PTPRD: variants seen among roughly 807,000 people sequenced by gnomAD.
PTPRD encodes receptor-type tyrosine-protein phosphatase delta.
PTPRD carries 34 observed loss-of-function variants against 214.5 expected under a neutral mutation model. The observed-to-expected ratio is 0.16, with a 90% confidence interval of 0.12 to 0.21. PTPRD has a LOEUF of 0.21. PTPRD is among the 10% of genes least tolerant of loss of function. The pLI is 1.00. For missense variants in PTPRD, 2,545 were observed against 2,398.7 expected (o/e 1.06, Z -1.27); for synonymous variants, 1,128 against 845.7 (o/e 1.33, Z -5.79).
At chr9:10,082,017 A>G (rs1369098194) in intron 3 of PTPRD, among the ~76,000 whole-genome samples, 1 of 152,098 alleles carries the variant, frequency 6.6e-6, no homozygotes, top group Non-Finnish European at 1.5e-5. Flanking sequence ...TGGACTGAAT[A>G]TAAGGGTTAT....
At chr9:9,348,244 C>T (rs1343098695) in intron 9 of PTPRD, among the ~76,000 whole-genome samples, 3 of 152,028 alleles carry the variant, frequency 2.0e-5, no homozygotes, top group Non-Finnish European at 4.4e-5. Flanking sequence ...TTTGGGTGAT[C>T]TCAATTTACT....
chr9:9,830,136 T>G (rs2054330511), intron 5 of PTPRD, among the ~76,000 whole-genome samples: 1 of 151,720 alleles, frequency 6.6e-6, no homozygotes, highest in South Asian at 2.1e-4. Context: ...ATATATCTTT[T>G]TACTTAAAAC....
In PTPRD at chr9:8,931,394, G is replaced by A. The variant is rs943316300; in HGVS notation, c.-104+87303C>T. 2.6e-5 allele frequency among the ~76,000 whole-genome samples: 4 copies of A among 152,146 alleles called. No homozygotes were observed. The South Asian group carries it at 6.2e-4, about 24-fold the overall frequency. ...GTAGTATAGTTTGAAGTCAGGTAGC[G>A]GGATGCCTCCAGCTTTGTTCTTTTG... On this transcript the variant is annotated intron_variant, in intron 11 of 45. Transcript: ENST00000381196.
At chr9:10,300,966 A>T (rs1219224865) in intron 3 of PTPRD, among the ~76,000 whole-genome samples, 1 of 152,072 alleles carries the variant, frequency 6.6e-6, no homozygotes, top group African/African-American at 2.4e-5. Context: ...ATGTATCCTG[A>T]CTGGAAGACA....
chr9:9,281,255 TG>T (rs566075480), intron 9 of PTPRD, among the ~76,000 whole-genome samples: 44 of 151,256 alleles, frequency 2.9e-4, no homozygotes, highest in African/African-American at 9.9e-4. Flanking sequence ...ATTGATAGTC[TG>T]GGCCTCACTG....
chr9:9,487,926 T>G (rs1275376340), intron 8 of PTPRD, among the ~76,000 whole-genome samples: 4 of 152,278 alleles, frequency 2.6e-5, no homozygotes, highest in Non-Finnish European at 5.9e-5. Flanking sequence ...AATTGAAAGA[T>G]AATGAGTTCT....
At chr9:10,538,975 G>A (rs529893037) in intron 2 of PTPRD, among the ~76,000 whole-genome samples, 2 of 152,072 alleles carry the variant, frequency 1.3e-5, no homozygotes, top group Non-Finnish European at 2.9e-5. Context: ...ACCAGCCTGT[G>A]CCTGGAGGAC....
At chr9:8,607,788 T>C (rs1304980515) in intron 14 of PTPRD, among the ~76,000 whole-genome samples, 1 of 152,222 alleles carries the variant, frequency 6.6e-6, no homozygotes, top group Non-Finnish European at 1.5e-5. Context: ...AGTCACTTAA[T>C]AAATAAACAC....
At chr9:10,501,476 G>T (rs569989564) in intron 2 of PTPRD, among the ~76,000 whole-genome samples, 1 of 151,820 alleles carries the variant, frequency 6.6e-6, no homozygotes, top group Admixed American at 6.6e-5. Flanking sequence ...GTCCTATTCT[G>T]TGGGCTGTGT....
intron 2 of PTPRD, among the ~76,000 whole-genome samples, chr9:10,556,427 G>T (rs144903512): frequency 8.6e-5 from 13 of 151,908 alleles, no homozygotes; most frequent in African/African-American, 2.7e-4. Context: ...ATCATTTTAG[G>T]TATATTTTAT....
chr9:8,931,796 GT>G (rs199759256), intron 11 of PTPRD, among the ~76,000 whole-genome samples: 2 of 151,292 alleles, frequency 1.3e-5, no homozygotes, highest in African/African-American at 2.4e-5. Flanking sequence ...TCTGGTCCTG[GT>G]TTTTTTTTGG....
intron 2 of PTPRD, among the ~76,000 whole-genome samples, chr9:10,440,930 A>G (rs2098753952): frequency 6.6e-6 from 1 of 151,772 alleles, no homozygotes; most frequent in South Asian, 2.1e-4. Context: ...CTGAATGTGA[A>G]TCCCTATGTT....
At chr9:9,738,809 A>G (rs1039292265) in intron 6 of PTPRD, among the ~76,000 whole-genome samples, 6 of 152,068 alleles carry the variant, frequency 3.9e-5, no homozygotes, top group Admixed American at 2.6e-4. Flanking sequence ...ATATTTTATT[A>G]GATATGTGAT....
intron 5 of PTPRD, among the ~76,000 whole-genome samples, chr9:9,931,401 T>C (rs1379428060): frequency 6.6e-6 from 1 of 152,130 alleles, no homozygotes; most frequent in Non-Finnish European, 1.5e-5. Context: ...GGGCGAGGCA[T>C]TGCCTCACTC....
At chr9:8,715,484 A>G (rs1216782577) in intron 12 of PTPRD, among the ~76,000 whole-genome samples, 1 of 152,200 alleles carries the variant, frequency 6.6e-6, no homozygotes, top group East Asian at 1.9e-4. Flanking sequence ...AAAAATATAT[A>G]TGCTCAGAGA....
intron 7 of PTPRD, among the ~76,000 whole-genome samples, chr9:9,728,632 T>G (rs2098133060): frequency 6.6e-6 from 1 of 152,148 alleles, no homozygotes; most frequent in Non-Finnish European, 1.5e-5. Context: ...TTGAACATAG[T>G]AAACTTTGGG....
At chr9:10,078,226 C>T (rs190665915) in intron 3 of PTPRD, among the ~76,000 whole-genome samples, 1 of 151,540 alleles carries the variant, frequency 6.6e-6, no homozygotes. Flanking sequence ...AAAGAACCCA[C>T]CTAGGGCCGG....
intron 11 of PTPRD, among the ~76,000 whole-genome samples, chr9:8,859,727 C>A (rs1452975429): frequency 1.3e-5 from 2 of 152,016 alleles, no homozygotes; most frequent in Non-Finnish European, 2.9e-5. Flanking sequence ...TAATCCTCTG[C>A]CCCCTATGTA....
At chr9:10,108,818 A>G (rs1010313984) in intron 3 of PTPRD, among the ~76,000 whole-genome samples, 3 of 151,988 alleles carry the variant, frequency 2.0e-5, no homozygotes, top group Admixed American at 2.0e-4. Context: ...ATAAGAACAG[A>G]TAAACCTGGA....
Sources: gnomAD v4.1 joint callset for allele counts (sites outside exome capture counted in the v4.1 genomes callset) on GRCh38, gnomAD v4.1.1 for gene constraint, MANE v1.5 for transcripts, NCBI Gene and HGNC (gene_info 2026-07-23, HGNC 2026-07-21) for gene names.